The following TXNRD1 variants were observed in gnomAD, a reference collection of about 807,000 sequenced individuals.
TXNRD1 encodes thioredoxin reductase 1.
TXNRD1 carries 57 observed loss-of-function variants against 80.3 expected under a neutral mutation model. The observed-to-expected ratio is 0.71, with a 90% CI of 0.57 to 0.89. The LOEUF is 0.89. TXNRD1 is among the 40% of genes least tolerant of loss of function. The pLI is 0.00. For synonymous variants in TXNRD1, 291 were observed against 285.2 expected (o/e 1.02, Z -0.20); for missense variants, 730 against 803.0 (o/e 0.91, Z 1.10).
chr12:104,311,992 ATATATATATGTG>A (rs67520631), intron 5 of TXNRD1, among the ~76,000 whole-genome samples: 73,566 of 150,930 alleles, frequency 0.49, 18,325 homozygotes, highest in East Asian at 0.62. Flanking sequence ...TAAAAAATAT[ATATATATATGTG>A]TATATATATG....
chr12:104,296,085 G>A (rs569906375), intron 4 of TXNRD1, among the ~76,000 whole-genome samples: 1 of 152,342 alleles, frequency 6.6e-6, no homozygotes, highest in South Asian at 2.1e-4. Context: ...AGCTAGTTAA[G>A]TGGCAGAGTC....
At chr12:104,238,209 C>A (rs990950396) in intron 1 of TXNRD1, among the ~76,000 whole-genome samples, 1 of 152,240 alleles carries the variant, frequency 6.6e-6, no homozygotes, top group East Asian at 1.9e-4. Flanking sequence ...TGTTGTCTTG[C>A]TTTGTTCTTT....
intron 4 of TXNRD1, among the ~76,000 whole-genome samples, chr12:104,306,697 G>A (rs1024110300): frequency 1.9e-4 from 29 of 152,164 alleles, no homozygotes; most frequent in African/African-American, 6.5e-4. Flanking sequence ...TTCTAAATTA[G>A]TTACTCCTTT....
chr12:104,250,911 C>T (rs974954704), intron 1 of TXNRD1, among the ~76,000 whole-genome samples: 1 of 152,098 alleles, frequency 6.6e-6, no homozygotes, highest in African/African-American at 2.4e-5. Context: ...ACAGTGCTGT[C>T]ATGTGGGAAT....
chr12:104,224,919 A>T (rs536320384), intron 1 of TXNRD1: 65 of 456,690 alleles, frequency 1.4e-4, no homozygotes, highest in South Asian at 9.8e-4. Flanking sequence ...TGCCATTGTT[A>T]TGAGGGTGAG....
At position 104,290,714 on chromosome 12, in the gene TXNRD1, AATATACATATATATAT is replaced by A. The variant is rs1293588887; in HGVS notation, c.414+1680_414+1695del. ...CCTGTCTCAAAAAAAAAAAAAAAGA[AATATACATATATATAT>A]ATATATATATATATATATATATATA... On this transcript the variant is annotated intron_variant, in intron 4 of 16. Coordinates refer to ENST00000525566, the MANE Select transcript of TXNRD1 (RefSeq NM_001093771.3). Among the ~76,000 whole-genome samples, 16 of 49,142 alleles carry A rather than the reference AATATACATATATATAT, an allele frequency of 3.3e-4. 1 individual carries two copies. Among genetic ancestry groups the A allele is most frequent in the African/African-American group, 8.8e-4 (14 of 15,852 alleles). 32.2% of individuals were successfully genotyped at this position (49,142 alleles called of 152,430 possible).
chr12:104,304,789 G>C, intron 4 of TXNRD1: 1 of 1,613,986 alleles, frequency 6.2e-7, no homozygotes, highest in Middle Eastern at 1.6e-4. Flanking sequence ...TATTAGAGCC[G>C]ATGAATGTTA....
intron 11 of TXNRD1, among the ~76,000 whole-genome samples, 198 bp from the exon 12 acceptor site, chr12:104,326,149 T>C (rs375894744): frequency 4.6e-5 from 7 of 152,334 alleles, no homozygotes; most frequent in African/African-American, 9.6e-5. Context: ...TAATTTCTAC[T>C]ATATCATATA....
At chr12:104,345,658 T>A (rs2036464756) in intron 16 of TXNRD1, among the ~76,000 whole-genome samples, 1 of 152,280 alleles carries the variant, frequency 6.6e-6, no homozygotes. Flanking sequence ...GAAGTTCACT[T>A]GTAGAGGAGA....
chr12:104,265,198 G>A, intron 3 of TXNRD1: 1 of 995,792 alleles, frequency 1.0e-6, no homozygotes, highest in Admixed American at 2.4e-5. Flanking sequence ...GTTGCAGTGA[G>A]CTGAGATCAC....
intron 3 of TXNRD1, 97 bp downstream of exon 3, chr12:104,258,176 T>TTA: frequency 1.1e-6 from 1 of 941,438 alleles, no homozygotes; most frequent in Non-Finnish European, 1.6e-6. Flanking sequence ...GAGGTTTTTA[T>TTA]TGTTTAGTGA....
At chr12:104,326,708 CA>C (rs1242868206) in intron 12 of TXNRD1, among the ~76,000 whole-genome samples, 3 of 152,092 alleles carry the variant, frequency 2.0e-5, no homozygotes, top group Non-Finnish European at 4.4e-5. Context: ...TCAGGTGATC[CA>C]CCTGCCTTGG....
intron 3 of TXNRD1, among the ~76,000 whole-genome samples, chr12:104,259,310 G>A (rs889025558): frequency 4.0e-5 from 6 of 150,696 alleles, no homozygotes; most frequent in African/African-American, 1.5e-4. Context: ...GAACCCAGGA[G>A]GCAGAGGTTA....
At chr12:104,269,999 C>G (rs939670770) in intron 3 of TXNRD1, among the ~76,000 whole-genome samples, 3 of 152,206 alleles carry the variant, frequency 2.0e-5, no homozygotes, top group Admixed American at 2.0e-4. Flanking sequence ...ATGTGCACCA[C>G]CATGCCTGGC....
At chr12:104,273,867 C>T (rs112716285) in intron 3 of TXNRD1, among the ~76,000 whole-genome samples, 38,329 of 151,916 alleles carry the variant, frequency 0.25, 5,952 homozygotes, top group Non-Finnish European at 0.35. Context: ...CTGGCTAACA[C>T]GGTGCAACCC....
At chr12:104,324,166 A>G (rs2035668871) in intron 10 of TXNRD1, among the ~76,000 whole-genome samples, 1 of 152,188 alleles carries the variant, frequency 6.6e-6, no homozygotes, top group African/African-American at 2.4e-5. Flanking sequence ...ATCTTAAGCA[A>G]TGGACCAATT....
intron 10 of TXNRD1, among the ~76,000 whole-genome samples, chr12:104,324,748 G>GT (rs1220056967): frequency 6.6e-6 from 1 of 152,158 alleles, no homozygotes; most frequent in Non-Finnish European, 1.5e-5. Context: ...CATCACTCAA[G>GT]TATCAGGGCT....
At chr12:104,313,175 A>G (rs2035200331) in intron 5 of TXNRD1, 70 bp from the exon 6 acceptor site, 4 of 1,296,290 alleles carry the variant, frequency 3.1e-6, no homozygotes, top group South Asian at 1.3e-5. Context: ...AAAATCATGG[A>G]TTTTTAACAG....
chr12:104,310,722 C>T (rs1158615706), intron 4 of TXNRD1, among the ~76,000 whole-genome samples: 4 of 152,170 alleles, frequency 2.6e-5, no homozygotes, highest in African/African-American at 9.7e-5. Flanking sequence ...AGACTTCATG[C>T]ATATGCAAAT....
Sources: gnomAD v4.1 joint callset for allele counts (sites outside exome capture counted in the v4.1 genomes callset) on GRCh38, gnomAD v4.1.1 for gene constraint, MANE v1.5 for transcripts, NCBI Gene and HGNC (gene_info 2026-07-23, HGNC 2026-07-21) for gene names.